Variants in TFCP2 observed in about 807,000 individuals in gnomAD.
The protein encoded by TFCP2 is alpha-globin transcription factor CP2.
In TFCP2, 33 loss-of-function variants were observed where a neutral mutation model predicts 73.4. The observed-to-expected ratio is 0.45, with a 90% CI of 0.34 to 0.60. The LOEUF (loss-of-function observed/expected upper bound fraction) is 0.60. Ranked by LOEUF, TFCP2 falls within the 20% of genes least tolerant of loss-of-function variation. The pLI is 0.01. For missense variants in TFCP2, 352 were observed against 604.0 expected (o/e 0.58, Z 4.37); for synonymous variants, 193 against 211.6 (o/e 0.91, Z 0.76).
chr12:51,122,459 A>AT lies in TFCP2; in HGVS notation c.123-3688dup, dbSNP rs1940707687. Among the ~76,000 whole-genome samples the AT allele has an allele frequency of 2.0e-5, 3 of 151,894 alleles. No homozygotes were observed. The South Asian group carries it at 6.2e-4, about 32-fold the overall frequency. On this transcript the variant is annotated intron_variant, in intron 1 of 14. Transcript: ENST00000257915. The stretch of plus-strand genomic sequence containing the variant: ...TTTTTAGTAGAGACAGGGTTTCACC[A>AT]TGTTGGCCATGCTGGTCTCGAACTC...
intron 1 of TFCP2, among the ~76,000 whole-genome samples, chr12:51,131,346 A>C (rs967759782): frequency 1.3e-5 from 2 of 151,692 alleles, no homozygotes; most frequent in African/African-American, 4.8e-5. Flanking sequence ...AAAAAAAAAA[A>C]AACAAGGATT....
intron 1 of TFCP2, among the ~76,000 whole-genome samples, 189 bp downstream of exon 1, chr12:51,172,112 C>T (rs779829371): frequency 3.3e-5 from 5 of 152,188 alleles, no homozygotes; most frequent in African/African-American, 4.8e-5. Flanking sequence ...CTTCATATCG[C>T]CTACAATCGC....
chr12:51,109,345 A>G (rs1025182885), intron 5 of TFCP2, 72 bp from the exon 6 acceptor site: 67 of 1,536,596 alleles, frequency 4.4e-5, no homozygotes, highest in Non-Finnish European at 5.7e-5. Flanking sequence ...TTTTTTAGCA[A>G]CTATTAACAG....
intron 1 of TFCP2, among the ~76,000 whole-genome samples, chr12:51,135,424 C>A (rs2137008452): frequency 3.7e-5 from 1 of 27,186 alleles, no homozygotes; most frequent in African/African-American, 6.9e-5. Flanking sequence ...GAGACTGTCA[C>A]ACACACACAC....
At chr12:51,168,056 C>T (rs535001364) in intron 1 of TFCP2, among the ~76,000 whole-genome samples, 5 of 149,922 alleles carry the variant, frequency 3.3e-5, no homozygotes, top group Admixed American at 6.7e-5. Flanking sequence ...AGTGAGATGT[C>T]GCCTCCAAAA....
intron 2 of TFCP2, 91 bp from the exon 3 acceptor site, chr12:51,117,838 C>A: frequency 1.3e-6 from 1 of 764,678 alleles, no homozygotes; most frequent in Non-Finnish European, 2.1e-6. Flanking sequence ...GAATATACAA[C>A]AGTATAATAA....
In TFCP2 at chr12:51,157,681, C is replaced by CTTTTTTTTTTTTTTTT. The variant is rs770963610; in HGVS notation, c.122+14619_122+14620insAAAAAAAAAAAAAAAA. On this transcript the variant is annotated intron_variant, in intron 1 of 14. Transcript: ENST00000257915. ...TTCAGTAATTTGAGTTTTTTCTTTTCTTTTCTTTTTTTTTTTTTTTTTTGA... is the reference window on the plus strand; with the variant it reads ...TTCAGTAATTTGAGTTTTTTCTTTTCTTTTTTTTTTTTTTTTTTTTCTTTTTTTTTTTTTTTTTTGA... Among the ~76,000 whole-genome samples, 3 of 77,288 alleles carry CTTTTTTTTTTTTTTTT rather than the reference C, an allele frequency of 3.9e-5. 1 individual carries two copies. Among genetic ancestry groups the CTTTTTTTTTTTTTTTT allele is most frequent in the African/African-American group, 1.4e-4 (3 of 21,548 alleles). 50.7% of individuals were successfully genotyped at this position (77,288 alleles called of 152,430 possible). A position where few individuals can be genotyped will look rare whatever the true frequency, so the allele number is the denominator to read the frequency against.
chr12:51,129,220 A>T (rs981334137), intron 1 of TFCP2, among the ~76,000 whole-genome samples: 6 of 152,128 alleles, frequency 3.9e-5, no homozygotes, highest in African/African-American at 1.4e-4. Context: ...GGACTTAAAA[A>T]ATCTAAGGAG....
At chr12:51,119,258 C>G (rs1296714982) in intron 1 of TFCP2, among the ~76,000 whole-genome samples, 7 of 152,168 alleles carry the variant, frequency 4.6e-5, no homozygotes, top group African/African-American at 1.7e-4. Context: ...GGAATAACAA[C>G]TAATATTGAG....
At chr12:51,126,856 C>T (rs1318500495) in intron 1 of TFCP2, among the ~76,000 whole-genome samples, 1 of 152,086 alleles carries the variant, frequency 6.6e-6, no homozygotes, top group East Asian at 1.9e-4. Flanking sequence ...CTCCAGCAAA[C>T]AATTGGCCAT....
intron 1 of TFCP2, among the ~76,000 whole-genome samples, chr12:51,119,675 G>A (rs969974756): frequency 1.3e-5 from 2 of 151,350 alleles, no homozygotes; most frequent in South Asian, 2.1e-4. Flanking sequence ...GCTTGAACCC[G>A]GGAGGTGGAG....
intron 1 of TFCP2, among the ~76,000 whole-genome samples, chr12:51,121,546 ACCTCCAC>A (rs1940674285): frequency 7.2e-6 from 1 of 139,354 alleles, no homozygotes; most frequent in South Asian, 2.6e-4. Context: ...GCTCACTGCA[ACCTCCAC>A]CTCCCGGGTT....
chr12:51,156,434 C>A (rs1318893791), intron 1 of TFCP2, among the ~76,000 whole-genome samples: 1 of 152,140 alleles, frequency 6.6e-6, no homozygotes, highest in African/African-American at 2.4e-5. Flanking sequence ...CACACCAAGC[C>A]ATTCCTGAGG....
chr12:51,110,775 C>T (rs1317137800), intron 5 of TFCP2, 102 bp downstream of exon 5: 1 of 887,284 alleles, frequency 1.1e-6, no homozygotes, highest in Non-Finnish European at 1.8e-6. Flanking sequence ...CAGGCTAGAA[C>T]CCTGTAAAGA....
chr12:51,145,914 C>T (rs1350463089), intron 1 of TFCP2, among the ~76,000 whole-genome samples: 1 of 151,610 alleles, frequency 6.6e-6, no homozygotes, highest in African/African-American at 2.4e-5. Flanking sequence ...ATTGCCACTG[C>T]ACTCCAGCCT....
intron 1 of TFCP2, among the ~76,000 whole-genome samples, chr12:51,156,245 G>T (rs1482779849): frequency 1.3e-5 from 2 of 151,950 alleles, no homozygotes; most frequent in Admixed American, 1.3e-4. Flanking sequence ...AGATACTTAT[G>T]GTGCCAGTAT....
chr12:51,152,038 T>C (rs1941439282), intron 1 of TFCP2, among the ~76,000 whole-genome samples: 6 of 152,142 alleles, frequency 3.9e-5, no homozygotes, highest in Admixed American at 6.6e-5. Flanking sequence ...GGTGAAAAGT[T>C]TGAGAACAGG....
chr12:51,147,451 T>G (rs1401384987), intron 1 of TFCP2, among the ~76,000 whole-genome samples: 1 of 151,890 alleles, frequency 6.6e-6, no homozygotes, highest in African/African-American at 2.4e-5. Context: ...ACTTGAGGCA[T>G]AGTGAGAGTC....
intron 1 of TFCP2, among the ~76,000 whole-genome samples, chr12:51,159,114 G>A (rs1468815612): frequency 1.3e-5 from 2 of 148,984 alleles, no homozygotes; most frequent in Non-Finnish European, 3.0e-5. Context: ...AGGAGGCGGA[G>A]GTTGCAGTGA....
Sources: allele counts gnomAD v4.1 joint callset (sites outside exome capture counted in the v4.1 genomes callset), GRCh38; gene constraint gnomAD v4.1.1; transcripts MANE v1.5; gene names NCBI Gene and HGNC (gene_info 2026-07-23, HGNC 2026-07-21).